Variants in IQSEC1 observed in about 807,000 individuals in gnomAD.
IQSEC1 encodes the protein IQ motif and Sec7 domain ArfGEF 1, also known as IQ motif and SEC7 domain-containing protein 1.
IQSEC1 carries 31 observed loss-of-function variants against 91.0 expected under a neutral mutation model. The ratio of observed to expected loss-of-function variants is 0.34; its 90% CI spans 0.26 to 0.46. IQSEC1 has a LOEUF of 0.46. IQSEC1 is among the 20% of genes least tolerant of loss of function. The probability of loss-of-function intolerance (pLI) is 1.00; values close to 1 mark genes in which losing one functional copy is unlikely to be tolerated. For missense variants in IQSEC1, 1,388 were observed against 1,575.6 expected (o/e 0.88, Z 2.02); for synonymous variants, 699 against 662.6 (o/e 1.05, Z -0.84).
chr3:13,099,044 TG>T (rs755883423), intron 2 of IQSEC1, among the ~76,000 whole-genome samples: 24 of 152,130 alleles, frequency 1.6e-4, no homozygotes, highest in African/African-American at 3.9e-4. Flanking sequence ...TTTCGGGGGA[TG>T]GGGGGAACAG....
Position 12,987,483 on chromosome 3 carries a change from G to T in IQSEC1, c.24-45618C>A, listed in dbSNP as rs142009174. Among the ~76,000 whole-genome samples, 45 of 152,364 alleles carry T rather than the reference G, an allele frequency of 3.0e-4. No individual in the cohort carries two copies. In the East Asian group the frequency reaches 7.3e-3, roughly 25 times the overall value. On this transcript the variant is annotated intron_variant, in intron 1 of 13. Transcript: ENST00000613206. ...GACCGTAGATGAAAATCTATTCCAGGTGGATTAAAGACCTAATGTGAAAGG... is the reference window on the plus strand; with the variant it reads ...GACCGTAGATGAAAATCTATTCCAGTTGGATTAAAGACCTAATGTGAAAGG...
At chr3:13,069,752 G>A (rs1360731515) in intron 1 of IQSEC1, among the ~76,000 whole-genome samples, 1 of 152,182 alleles carries the variant, frequency 6.6e-6, no homozygotes, top group Non-Finnish European at 1.5e-5. Context: ...GAGGACAGAG[G>A]GGCCCCTTGC....
At position 13,199,585 on chromosome 3, in the gene IQSEC1, G is replaced by A. The variant is rs1004113619; in HGVS notation, c.273-35452C>T. Among the ~76,000 whole-genome samples, 6 of 152,064 alleles carry A rather than the reference G, an allele frequency of 3.9e-5. No homozygotes were observed. In the East Asian group the frequency reaches 5.8e-4, roughly 15 times the overall value. ...GGTCGCCCCTCCGCTCCTTCCCACCGACCAAGGCCAGCCCCGCGACCCTCC... is the reference window on the plus strand; with the variant it reads ...GGTCGCCCCTCCGCTCCTTCCCACCAACCAAGGCCAGCCCCGCGACCCTCC... On this transcript the variant is annotated intron_variant, in intron 1 of 15. Transcript: ENST00000648114.
intron 1 of IQSEC1, among the ~76,000 whole-genome samples, chr3:13,208,196 G>A (rs1226190800): frequency 6.7e-6 from 1 of 150,348 alleles, no homozygotes; most frequent in African/African-American, 2.5e-5. Flanking sequence ...GCCACTTGGG[G>A]CTTAACTGAG....
In IQSEC1 at chr3:13,065,223, G is replaced by A. The variant is rs561248048; in HGVS notation, c.23+7769C>T. Among the ~76,000 whole-genome samples the A allele has an allele frequency of 5.3e-5, 8 of 152,320 alleles. 1 individual carries two copies. In the South Asian group the frequency reaches 1.5e-3, roughly 28 times the overall value. On this transcript the variant is annotated intron_variant, in intron 1 of 13. Coordinates refer to ENST00000613206, the MANE Select transcript of IQSEC1 (RefSeq NM_001134382.3). ...ATCCAGAAACCACAAAACAGTGGTG[G>A]GAAAACTAAACTGCTCTGTGTCACC...
intron 2 of IQSEC1, among the ~76,000 whole-genome samples, chr3:13,087,563 C>T (rs1016095306): frequency 1.8e-4 from 27 of 152,238 alleles, no homozygotes; most frequent in African/African-American, 6.5e-4. Flanking sequence ...AGAGCCTCTG[C>T]ACCACTATCC....
chr3:12,910,433 C>T (rs1056945071), intron 10 of IQSEC1, among the ~76,000 whole-genome samples: 24 of 152,174 alleles, frequency 1.6e-4, no homozygotes, highest in Admixed American at 6.5e-4. Flanking sequence ...TCACTAAGTT[C>T]CCACCCTAGC....
intron 1 of IQSEC1, among the ~76,000 whole-genome samples, chr3:13,053,476 C>T (rs1195786977): frequency 6.6e-6 from 1 of 152,226 alleles, no homozygotes; most frequent in Non-Finnish European, 1.5e-5. Flanking sequence ...CCAAAGGCAG[C>T]TCTGAGCTGT....
At chr3:13,152,395 GAAAT>G in intron 2 of IQSEC1, among the ~76,000 whole-genome samples, 1 of 152,200 alleles carries the variant, frequency 6.6e-6, no homozygotes, top group South Asian at 2.1e-4. Flanking sequence ...TGAATGTTTA[GAAAT>G]ATTAATACAC....
chr3:12,900,979 C>T lies in IQSEC1; in HGVS notation c.*4G>A. 1.3e-6 allele frequency: 2 copies of T among 1,543,448 alleles called. No homozygotes were observed. Among genetic ancestry groups the T allele is most frequent in the South Asian group, 2.4e-5 (2 of 84,060 alleles). ...AGGGAGCCTGGGACCCCTACCCAGGCTGTCTACACAATTGTGCTGATGCCG... is the reference window on the plus strand; with the variant it reads ...AGGGAGCCTGGGACCCCTACCCAGGTTGTCTACACAATTGTGCTGATGCCG... On this transcript the variant is annotated 3_prime_UTR_variant, in exon 14 of 14. Coordinates refer to ENST00000613206, the MANE Select transcript of IQSEC1 (RefSeq NM_001134382.3).
intron 13 of IQSEC1, among the ~76,000 whole-genome samples, 167 bp from the exon 14 acceptor site, chr3:12,901,689 T>C (rs1211002874): frequency 6.6e-6 from 1 of 151,716 alleles, no homozygotes; most frequent in Non-Finnish European, 1.5e-5. Flanking sequence ...CCCCGCCTCC[T>C]CTCACTACAG....
chr3:12,984,624 C>G (rs1221177840), intron 1 of IQSEC1, among the ~76,000 whole-genome samples: 1 of 152,126 alleles, frequency 6.6e-6, no homozygotes, highest in East Asian at 1.9e-4. Context: ...CCTGTAGCCA[C>G]ATGGAACCAC....
At chr3:13,095,988 G>A (rs985917060) in intron 2 of IQSEC1, among the ~76,000 whole-genome samples, 31 of 152,172 alleles carry the variant, frequency 2.0e-4, no homozygotes, top group Admixed American at 5.2e-4. Context: ...CCTCTGAGTC[G>A]TCCAAGCTCC....
intron 1 of IQSEC1, among the ~76,000 whole-genome samples, chr3:13,263,424 T>TG (rs1695425703): frequency 9.4e-6 from 1 of 106,184 alleles, no homozygotes; most frequent in Non-Finnish European, 2.0e-5. Context: ...ACACTTTTTT[T>TG]TTTGGGGGGG....
In IQSEC1 at chr3:13,026,864, G is replaced by GCTTTTTTTTTTTTTT. The variant is rs370534423; in HGVS notation, c.23+46127_23+46128insAAAAAAAAAAAAAAG. On this transcript the variant is annotated intron_variant, in intron 1 of 13. Transcript: ENST00000613206. ...TGAAGTAGCAGTTATTATCTCCCCA[G>GCTTTTTTTTTTTTTT]TTTTTTTTTTTTTTGTTTGTTTTTT... Among the ~76,000 whole-genome samples the GCTTTTTTTTTTTTTT allele has an allele frequency of 3.3e-5, 3 of 90,864 alleles. 1 individual carries two copies. Among genetic ancestry groups the GCTTTTTTTTTTTTTT allele is most frequent in the Non-Finnish European group, 2.5e-5 (1 of 40,730 alleles). The allele number at this position is 90,864 out of a possible 152,430, so 59.6% of individuals were successfully genotyped here. A position where few individuals can be genotyped will look rare whatever the true frequency, so the allele number is the denominator to read the frequency against.
intron 2 of IQSEC1, among the ~76,000 whole-genome samples, chr3:13,129,184 T>C (rs1706566794): frequency 6.6e-6 from 1 of 152,250 alleles, no homozygotes; most frequent in Admixed American, 6.5e-5. Context: ...GCTATCTATT[T>C]ACTATTGAGA....
intron 2 of IQSEC1, among the ~76,000 whole-genome samples, chr3:13,088,084 G>A (rs1176861658): frequency 2.0e-5 from 3 of 152,076 alleles, no homozygotes; most frequent in African/African-American, 7.2e-5. Context: ...GCCCCTCCCT[G>A]TTTCTCTTCT....
intron 2 of IQSEC1, among the ~76,000 whole-genome samples, chr3:13,143,526 G>C (rs1279193986): frequency 1.3e-5 from 2 of 152,300 alleles, no homozygotes; most frequent in East Asian, 1.9e-4. Flanking sequence ...CCAAACAGGG[G>C]AGCAGCTCCA....
chr3:12,952,685 G>A (rs879481751), intron 1 of IQSEC1, among the ~76,000 whole-genome samples: 2 of 152,182 alleles, frequency 1.3e-5, no homozygotes, highest in Admixed American at 1.3e-4. Context: ...CTGGCCTCCT[G>A]GCTGTTCCTC....
Sources: gnomAD v4.1 joint callset for allele counts (sites outside exome capture counted in the v4.1 genomes callset) on GRCh38, gnomAD v4.1.1 for gene constraint, MANE v1.5 for transcripts, NCBI Gene and HGNC (gene_info 2026-07-23, HGNC 2026-07-21) for gene names.